TTYH2: variants seen among roughly 807,000 people sequenced by gnomAD.
TTYH2 encodes the protein tweety family member 2, also known as protein tweety homolog 2.
A neutral mutation model predicts 68.3 loss-of-function variants in TTYH2; 49 were observed. That is an observed-to-expected ratio of 0.72 (90% CI 0.57 to 0.91). The LOEUF (loss-of-function observed/expected upper bound fraction) is 0.91. Ranked by LOEUF, TTYH2 falls within the 40% of genes least tolerant of loss-of-function variation. The probability of loss-of-function intolerance (pLI) is 0.00; values close to 1 mark genes in which losing one functional copy is unlikely to be tolerated. For missense variants in TTYH2, 631 were observed against 700.4 expected, an observed-to-expected ratio of 0.90 and a Z score of 1.12; for synonymous variants, 272 against 300.8, an observed-to-expected ratio of 0.90 and a Z score of 0.99.
In TTYH2 at chr17:74,215,743, T is replaced by G; in HGVS notation, c.129+2027T>G. 6.6e-7 allele frequency: 1 copy of G among 1,525,412 alleles called. No individual in the cohort carries two copies. The allele number at this position is 1,525,412 out of a possible 1,614,324, so 94.5% of individuals were successfully genotyped here. On this transcript the variant is annotated intron_variant, in intron 1 of 13. Coordinates refer to ENST00000269346, the MANE Select transcript of TTYH2 (RefSeq NM_032646.6). This position sits in a 1 kb window ranked among gnomAD's most constrained non-coding sequence, Gnocchi z 4.3. ...TTCCCCTGTTGTGACCACAGGTCTC[T>G]CCTGGATGTCTTCTTTCCTCCTGAG...
At chr17:74,260,107 C>A in intron 13 of TTYH2, 22 bp from the exon 14 acceptor site, 1 of 1,610,114 alleles carries the variant, frequency 6.2e-7, no homozygotes, top group Non-Finnish European at 8.5e-7. Context: ...CTCTGACCAT[C>A]CCCTCTCTTC....
chr17:74,238,521 C>T (rs929144091), intron 4 of TTYH2, among the ~76,000 whole-genome samples: 22 of 152,112 alleles, frequency 1.4e-4, no homozygotes, highest in Admixed American at 3.9e-4. Context: ...GCCTCAGCCT[C>T]CTGAGTAGCT....
At chr17:74,240,374 G>T (rs756089170) in intron 4 of TTYH2, among the ~76,000 whole-genome samples, 1 of 152,100 alleles carries the variant, frequency 6.6e-6, no homozygotes, top group African/African-American at 2.4e-5. Flanking sequence ...AGGAAGCGGA[G>T]GCTGCAGTGA....
At chr17:74,237,923 A>G (rs1332068732) in intron 4 of TTYH2, among the ~76,000 whole-genome samples, 1 of 152,164 alleles carries the variant, frequency 6.6e-6, no homozygotes, top group Admixed American at 6.5e-5. Flanking sequence ...GTGAGCCACC[A>G]TGCCCAGCCC....
chr17:74,237,149 C>T, intron 3 of TTYH2, 145 bp from the exon 4 acceptor site: 1 of 774,066 alleles, frequency 1.3e-6, no homozygotes. Flanking sequence ...ATCCGCCTGC[C>T]TCAGCCTCCC....
At position 74,215,848 on chromosome 17, in the gene TTYH2, G is replaced by C. The variant is rs1003118151; in HGVS notation, c.129+2132G>C. On this transcript the variant is annotated intron_variant, in intron 1 of 13. Coordinates refer to ENST00000269346, the MANE Select transcript of TTYH2 (RefSeq NM_032646.6). This position sits in a 1 kb window ranked among gnomAD's most constrained non-coding sequence, Gnocchi z 4.3. The stretch of plus-strand genomic sequence containing the variant: ...CTTGACTGGAGCAAGTGCTATGCCA[G>C]GCGTGGGGTGACCGTGGTAACCAAG... 4.7e-6 allele frequency: 4 copies of C among 851,264 alleles called. No individual in the cohort carries two copies. In the Admixed American group the frequency reaches 7.4e-5, roughly 16 times the overall value. 52.7% of individuals were successfully genotyped at this position (851,264 alleles called of 1,614,324 possible). A position where few individuals can be genotyped will look rare whatever the true frequency, so the allele number is the denominator to read the frequency against.
rs148572036 is a variant in TTYH2 at position 74,247,567 on chromosome 17, G to T, written c.805-1444G>T. Among the ~76,000 whole-genome samples, 106 of 152,302 alleles carry T rather than the reference G, an allele frequency of 7.0e-4. 1 individual carries two copies. Among genetic ancestry groups the T allele is most frequent in the Admixed American group, 1.2e-3 (18 of 15,304 alleles). Reference sequence around the variant, plus strand: ...AAGACCATGTCACTGTGGAGCCTTGGACTGGAGCCTCCTGTCCCTCTCCTT... The same window carrying T: ...AAGACCATGTCACTGTGGAGCCTTGTACTGGAGCCTCCTGTCCCTCTCCTT... On this transcript the variant is annotated intron_variant, in intron 6 of 13. Coordinates refer to ENST00000269346, the MANE Select transcript of TTYH2 (RefSeq NM_032646.6).
chr17:74,240,804 C>T (rs1032373367), intron 4 of TTYH2: 5 of 152,150 alleles, frequency 3.3e-5, no homozygotes, highest in Non-Finnish European at 5.9e-5. Flanking sequence ...ATACATCCCC[C>T]AGTCCTCGCC....
At chr17:74,224,187 A>G (rs2050306953) in intron 2 of TTYH2, among the ~76,000 whole-genome samples, 1 of 152,136 alleles carries the variant, frequency 6.6e-6, no homozygotes, top group Admixed American at 6.5e-5. Context: ...AGGCGGGTGG[A>G]TCGCCTGAGC....
intron 2 of TTYH2, among the ~76,000 whole-genome samples, chr17:74,228,496 G>C (rs565329901): frequency 7.2e-5 from 11 of 152,210 alleles, no homozygotes; most frequent in Non-Finnish European, 1.6e-4. Context: ...GATGACAAGA[G>C]TCAAGATTTG....
Position 74,222,460 on chromosome 17 carries a change from A to G in TTYH2, c.130-25A>G. On this transcript the variant is annotated intron_variant, in intron 1 of 13. Coordinates refer to ENST00000269346, the MANE Select transcript of TTYH2 (RefSeq NM_032646.6). The surrounding 1 kb of genome is among the most constrained non-coding windows in gnomAD (Gnocchi z 5.2). Reference sequence around the variant, plus strand: ...CCCCGCACTGCAGGGATGAAGAGTGACAACAGGCCTCTGCTCTCTTCCAGT... The same window carrying G: ...CCCCGCACTGCAGGGATGAAGAGTGGCAACAGGCCTCTGCTCTCTTCCAGT... The G allele has an allele frequency of 6.3e-7, 1 of 1,592,040 alleles. No homozygotes were observed. The highest frequency in any genetic ancestry group is 8.5e-7 in the Non-Finnish European group (1 of 1,171,416).
At chr17:74,231,988 C>A (rs920306597) in intron 3 of TTYH2, among the ~76,000 whole-genome samples, 20 of 152,278 alleles carry the variant, frequency 1.3e-4, no homozygotes, top group African/African-American at 4.8e-4. Flanking sequence ...GGACTTGGTT[C>A]CCTGAAAACT....
chr17:74,218,763 C>A (rs1053816695), intron 1 of TTYH2, among the ~76,000 whole-genome samples: 3 of 152,164 alleles, frequency 2.0e-5, no homozygotes, highest in African/African-American at 7.2e-5. Context: ...TCGGACGAGC[C>A]TTCCTTGCTG....
intron 5 of TTYH2, 133 bp downstream of exon 5, chr17:74,243,602 C>A: frequency 1.2e-6 from 1 of 862,050 alleles, no homozygotes; most frequent in Non-Finnish European, 1.9e-6. Flanking sequence ...TCTGCCCCGT[C>A]CTCAGCACTC....
intron 13 of TTYH2, among the ~76,000 whole-genome samples, chr17:74,254,352 G>C (rs756784421): frequency 8.5e-5 from 13 of 152,138 alleles, no homozygotes; most frequent in Non-Finnish European, 1.9e-4. Context: ...ATTTTTAGTA[G>C]AGATGGGGTT....
intron 4 of TTYH2, among the ~76,000 whole-genome samples, chr17:74,238,510 C>T (rs537537264): frequency 6.6e-6 from 1 of 151,888 alleles, no homozygotes; most frequent in East Asian, 1.9e-4. Flanking sequence ...GTGATCCTCC[C>T]GCCTCAGCCT....
Position 74,213,823 on chromosome 17 carries a change from C to G in TTYH2, c.129+107C>G. On this transcript the variant is annotated intron_variant, in intron 1 of 13. Transcript: ENST00000269346. The surrounding 1 kb of genome is among the most constrained non-coding windows in gnomAD (Gnocchi z 6.1). ...TTCCCACGTGCCTCTCAGACCCCTT[C>G]TCTCCCCGCGCAGCCCTTTCCCGTC... The G allele has an allele frequency of 1.4e-6, 2 of 1,385,616 alleles. No individual in the cohort carries two copies. Among genetic ancestry groups the G allele is most frequent in the Non-Finnish European group, 9.8e-7 (1 of 1,018,692 alleles). 85.8% of individuals were successfully genotyped at this position (1,385,616 alleles called of 1,614,324 possible). A position where few individuals can be genotyped will look rare whatever the true frequency, so the allele number is the denominator to read the frequency against.
At position 74,215,918 on chromosome 17, in the gene TTYH2, G is replaced by A. The variant is rs1211586684; in HGVS notation, c.129+2202G>A. On this transcript the variant is annotated intron_variant, in intron 1 of 13. Coordinates refer to ENST00000269346, the MANE Select transcript of TTYH2 (RefSeq NM_032646.6). This position sits in a 1 kb window ranked among gnomAD's most constrained non-coding sequence, Gnocchi z 4.3. ...AATTGCTGGGGATTTTCTGCGGCTGGGCTCTGGGCGCAGTGCTATGGCAGA... is the reference window on the plus strand; with the variant it reads ...AATTGCTGGGGATTTTCTGCGGCTGAGCTCTGGGCGCAGTGCTATGGCAGA... 6.6e-6 allele frequency among the ~76,000 whole-genome samples: 1 copy of A among 152,226 alleles called. No individual in the cohort carries two copies. The highest frequency in any genetic ancestry group is 1.5e-5 in the Non-Finnish European group (1 of 68,044).
chr17:74,253,904 T>C, intron 13 of TTYH2, 71 bp downstream of exon 13: 1 of 1,480,136 alleles, frequency 6.8e-7, no homozygotes, highest in East Asian at 2.3e-5. Context: ...ACCCAGTGAA[T>C]CCTGTCCACA....
Sources: allele counts gnomAD v4.1 joint callset (sites outside exome capture counted in the v4.1 genomes callset), GRCh38; gene constraint gnomAD v4.1.1; non-coding constraint Gnocchi (gnomAD v3.1); transcripts MANE v1.5; gene names NCBI Gene and HGNC (gene_info 2026-07-23, HGNC 2026-07-21).